Variants in OSBP observed in about 807,000 individuals in gnomAD.
OSBP encodes oxysterol-binding protein 1.
Under a neutral mutation model 96.6 loss-of-function variants are expected in OSBP, and 32 were observed. That is an observed-to-expected ratio of 0.33 (90% CI 0.25 to 0.45). The LOEUF (loss-of-function observed/expected upper bound fraction) is 0.45. OSBP is among the 20% of genes least tolerant of loss of function. The probability of loss-of-function intolerance (pLI) is 1.00; values close to 1 mark genes in which losing one functional copy is unlikely to be tolerated. For synonymous variants in OSBP, 369 were observed against 389.6 expected (o/e 0.95, Z 0.62); for missense variants, 653 against 1,029.7 (o/e 0.63, Z 5.01).
At chr11:59,588,535 CAAAA>C (rs1316153377) in intron 9 of OSBP, among the ~76,000 whole-genome samples, 1 of 69,154 alleles carries the variant, frequency 1.4e-5, no homozygotes, top group African/African-American at 4.5e-5. Context: ...GACTCGGTCT[CAAAA>C]AAAAAAAAAA....
Position 59,608,626 on chromosome 11 carries a change from A to G in OSBP, c.680T>C (p.Leu227Ser). The G allele has an allele frequency of 3.1e-6, 5 of 1,614,152 alleles. No individual in the cohort carries two copies. The highest frequency in any genetic ancestry group is 4.2e-6 in the Non-Finnish European group (5 of 1,180,012). ...CAGAGCTGTGCCATGCTTAGCTATC[A>G]AGTCATTGCACGTGCTCAAGTCCTC... ...KVEDLSTCNDLIAKHGTALQR... is the reference protein window; with the variant it reads ...KVEDLSTCNDSIAKHGTALQR... Residue 227 changes from leucine (L) to serine (S), a missense_variant, in exon 3 of 14, where the codon TTG (leucine) becomes TCG (serine). Leu to Ser is a moderately radical substitution (Grantham distance 145). Coordinates refer to ENST00000263847, the MANE Select transcript of OSBP (RefSeq NM_002556.3).
chr11:59,593,016 T>C (rs1018754948), intron 9 of OSBP, among the ~76,000 whole-genome samples: 2 of 152,188 alleles, frequency 1.3e-5, no homozygotes, highest in Non-Finnish European at 2.9e-5. Flanking sequence ...CAGGCTGGTC[T>C]TGAACTCCAG....
intron 9 of OSBP, among the ~76,000 whole-genome samples, chr11:59,582,397 T>C (rs1449288239): frequency 1.3e-5 from 2 of 152,044 alleles, no homozygotes. Context: ...CTCAGTGGAG[T>C]TTCCTGGTTG....
Position 59,576,714 on chromosome 11 carries a change from G to A in OSBP, c.2287C>T (p.Pro763Ser), listed in dbSNP as rs200097455. ...CACAGTGCCTTATAGGGATCATATG[G>A]TGTGCCTAAAAGGAAAAGAGAGGAA... ...EAMKATEDGT[P>S]YDPYKALWFE... The change falls in exon 14 of 14, where the codon CCA becomes TCA. Residue 763 changes from proline to serine, a missense_variant. Physicochemically the swap from Pro to Ser is moderately conservative, Grantham distance 74. Coordinates refer to ENST00000263847, the MANE Select transcript of OSBP (RefSeq NM_002556.3). The A allele has an allele frequency of 1.5e-4, 240 of 1,612,972 alleles. 1 individual carries two copies. The highest frequency in any genetic ancestry group is 1.9e-4 in the Non-Finnish European group (230 of 1,179,806).
chr11:59,577,810 A>T (rs986453898), intron 12 of OSBP, among the ~76,000 whole-genome samples: 6 of 152,206 alleles, frequency 3.9e-5, no homozygotes, highest in Non-Finnish European at 7.3e-5. Flanking sequence ...CCTTTAGGCT[A>T]AATTGTTAAC....
At chr11:59,608,330 T>A (rs775523974) in intron 3 of OSBP, among the ~76,000 whole-genome samples, 154 bp downstream of exon 3, 1 of 152,220 alleles carries the variant, frequency 6.6e-6, no homozygotes, top group Non-Finnish European at 1.5e-5. Flanking sequence ...CTGTTCTATT[T>A]CATGCAGTAA....
At position 59,585,156 on chromosome 11, in the gene OSBP, T is replaced by C. The variant is rs11230013; in HGVS notation, c.1679-3602A>G. Among the ~76,000 whole-genome samples, 138 of 142,326 alleles carry C rather than the reference T, an allele frequency of 9.7e-4. No homozygotes were observed. In the South Asian group the frequency reaches 0.01, roughly 10 times the overall value. 93.4% of individuals were successfully genotyped at this position (142,326 alleles called of 152,430 possible). ...TGCCCAGTCTGGAAAGTGAGGAGCG[T>C]CTCTGCCCGGCCGCCATCCCATCTA... On this transcript the variant is annotated intron_variant, in intron 9 of 13. Coordinates refer to ENST00000263847, the MANE Select transcript of OSBP (RefSeq NM_002556.3).
intron 1 of OSBP, among the ~76,000 whole-genome samples, chr11:59,614,973 C>G (rs1860903381): frequency 6.6e-6 from 1 of 152,214 alleles, no homozygotes; most frequent in African/African-American, 2.4e-5. Context: ...CAGTGCCTTG[C>G]TTGCAGAATT....
At position 59,576,435 on chromosome 11, in the gene OSBP, G is replaced by A; in HGVS notation, c.*142C>T. 1.1e-6 allele frequency: 1 copy of A among 927,248 alleles called. No homozygotes were observed. The highest frequency in any genetic ancestry group is 1.6e-6 in the Non-Finnish European group (1 of 614,346). 57.4% of individuals were successfully genotyped at this position (927,248 alleles called of 1,614,324 possible). A position where few individuals can be genotyped will look rare whatever the true frequency, so the allele number is the denominator to read the frequency against. ...ATCACCACCACTGGTGTCTCCTTCT[G>A]GTGATTGATTTGGAAAAAATGATTG... On this transcript the variant is annotated 3_prime_UTR_variant, in exon 14 of 14. Coordinates refer to ENST00000263847, the MANE Select transcript of OSBP (RefSeq NM_002556.3).
chr11:59,585,498 T>C (rs1206103414), intron 9 of OSBP, among the ~76,000 whole-genome samples: 2 of 149,822 alleles, frequency 1.3e-5, no homozygotes, highest in Non-Finnish European at 3.0e-5. Context: ...GTCTGGGAAG[T>C]GAGGAGCCTC....
In OSBP at chr11:59,574,807, G is replaced by A. The variant is rs1860341698; in HGVS notation, c.*1770C>T. The A allele has an allele frequency of 6.6e-6, 1 of 152,604 alleles. No individual in the cohort carries two copies. The highest frequency in any genetic ancestry group is 1.9e-4 in the East Asian group (1 of 5,196). The allele number at this position is 152,604 out of a possible 1,614,324, so 9.5% of individuals were successfully genotyped here. A position where few individuals can be genotyped will look rare whatever the true frequency, so the allele number is the denominator to read the frequency against. ...CACAACTAGGAAGGAAGGGATAGGG[G>A]AAGAAATAAAAGTATTAATTTACCC... On this transcript the variant is annotated 3_prime_UTR_variant, in exon 14 of 14. Coordinates refer to ENST00000263847, the MANE Select transcript of OSBP (RefSeq NM_002556.3).
chr11:59,600,713 A>G lies in OSBP; in HGVS notation c.1180-86T>C. The G allele has an allele frequency of 3.2e-6, 5 of 1,568,472 alleles. No individual in the cohort carries two copies. In the South Asian group the frequency reaches 4.8e-5, roughly 15 times the overall value. The stretch of plus-strand genomic sequence containing the variant: ...CCTTCCCTTCCCCCGTGCTAAAAAA[A>G]GAAAAAAAAATCAGTTTCTCTTAGC... On this transcript the variant is annotated intron_variant, in intron 6 of 13. Coordinates refer to ENST00000263847, the MANE Select transcript of OSBP (RefSeq NM_002556.3).
At chr11:59,609,485 GAAAAAA>G in intron 2 of OSBP, among the ~76,000 whole-genome samples, 1 of 98,322 alleles carries the variant, frequency 1.0e-5, no homozygotes, top group South Asian at 2.9e-4. Context: ...CTAAAAGCAA[GAAAAAA>G]AAAAAAAAAG....
In OSBP at chr11:59,601,667, T is replaced by C. The variant is rs1360040684; in HGVS notation, c.994A>G (p.Thr332Ala). ...FRGATVLPAN[T>A]PGNVGSGKDQ... is the part of the protein sequence containing the mutation. ...TTACCAGAACCCACATTGCCAGGAG[T>C]GTTTGCCGGCAGCACCGTGGCTCCT... The change falls in exon 4 of 14, where the codon ACT becomes GCT. Residue 332 changes from threonine (T) to alanine (A), a missense_variant. Transcript: ENST00000263847. 1 of 1,612,542 alleles carries C rather than the reference T, an allele frequency of 6.2e-7. No homozygotes were observed. Among genetic ancestry groups the C allele is most frequent in the Non-Finnish European group, 8.5e-7 (1 of 1,179,952 alleles).
chr11:59,597,071 T>G (rs1350507050), intron 7 of OSBP, among the ~76,000 whole-genome samples: 1 of 152,162 alleles, frequency 6.6e-6, no homozygotes, highest in Non-Finnish European at 1.5e-5. Context: ...TTTCTTTCTT[T>G]TTTTTGAGAT....
In OSBP at chr11:59,598,898, C is replaced by T. The variant is rs983204492; in HGVS notation, c.1311+1598G>A. Among the ~76,000 whole-genome samples, 4 of 152,186 alleles carry T rather than the reference C, an allele frequency of 2.6e-5. No homozygotes were observed. In the South Asian group the frequency reaches 6.2e-4, roughly 24 times the overall value. ...AGCCACCGCACCCAGCCAGGATGCA[C>T]CCTTAAATGGTACAGCCTTTCCTCT... On this transcript the variant is annotated intron_variant, in intron 7 of 13. Transcript: ENST00000263847.
intron 9 of OSBP, among the ~76,000 whole-genome samples, chr11:59,586,758 T>C (rs1352310135): frequency 5.3e-5 from 8 of 152,194 alleles, no homozygotes. Context: ...CAAATGATTT[T>C]TGGCAAGGGT....
chr11:59,599,513 A>G (rs1304574728), intron 7 of OSBP, among the ~76,000 whole-genome samples: 1 of 152,130 alleles, frequency 6.6e-6, no homozygotes, highest in East Asian at 1.9e-4. Flanking sequence ...AACTAGCGCA[A>G]CATCAGGCAA....
chr11:59,615,085 C>T (rs1315383288), intron 1 of OSBP, among the ~76,000 whole-genome samples: 1 of 152,196 alleles, frequency 6.6e-6, no homozygotes, highest in Admixed American at 6.5e-5. Flanking sequence ...GATAAGGCAC[C>T]AAGAGTGGGT....
Sources: gnomAD v4.1 joint callset for allele counts (sites outside exome capture counted in the v4.1 genomes callset) on GRCh38, gnomAD v4.1.1 for gene constraint, MANE v1.5 for transcripts, NCBI Gene and HGNC (gene_info 2026-07-23, HGNC 2026-07-21) for gene names.